PCDHGA2: variants seen among roughly 807,000 people sequenced by gnomAD.
The protein encoded by PCDHGA2 is protocadherin gamma subfamily A, 2, also known as protocadherin gamma-A2.
In PCDHGA2, 40 loss-of-function variants were observed where a neutral mutation model predicts 59.2. The ratio of observed to expected loss-of-function variants is 0.68; its 90% CI spans 0.52 to 0.88. The LOEUF (loss-of-function observed/expected upper bound fraction) is 0.88, where lower values mean the gene tolerates loss of function less well. PCDHGA2 is among the 40% of genes least tolerant of loss of function. PCDHGA2 has a pLI of 0.00. For synonymous variants in PCDHGA2, 560 were observed against 526.0 expected, an observed-to-expected ratio of 1.06 and a Z score of -0.89; for missense variants, 1,226 against 1,204.0, an observed-to-expected ratio of 1.02 and a Z score of -0.27.
At chr5:141,344,777 T>C in intron 1 of PCDHGA2, 1 of 1,613,952 alleles carries the variant, frequency 6.2e-7, no homozygotes. Flanking sequence ...CTGAGTACCG[T>C]GTGAGTGTTT....
intron 1 of PCDHGA2, chr5:141,410,046 G>T: frequency 6.2e-7 from 1 of 1,613,174 alleles, no homozygotes; most frequent in Non-Finnish European, 8.5e-7. Context: ...AGTGAGCCCG[G>T]ACTCTTCAGC....
chr5:141,388,032 C>T (rs747852798), intron 1 of PCDHGA2: 3 of 1,431,396 alleles, frequency 2.1e-6, no homozygotes, highest in Non-Finnish European at 1.9e-6. Flanking sequence ...AGTGGGGAAC[C>T]TCGCCACGGA....
intron 2 of PCDHGA2, among the ~76,000 whole-genome samples, chr5:141,498,971 G>GGAA (rs2099787559): frequency 9.0e-6 from 1 of 110,972 alleles, no homozygotes; most frequent in African/African-American, 3.6e-5. Flanking sequence ...GAGGGAGGGA[G>GGAA]GGAAGGAAGG....
Position 141,511,165 on chromosome 5 carries a change from A to G in PCDHGA2, c.2791A>G (p.Lys931Glu). 1 of 1,614,096 alleles carries G rather than the reference A, an allele frequency of 6.2e-7. No homozygotes were observed. Among genetic ancestry groups the G allele is most frequent in the East Asian group, 2.2e-5 (1 of 44,870 alleles). ...CAAGAAGAAGTCGGGCAAGAAGGAGAAGAAGTAACATGGAGGCCAGGCCAA... is the reference window on the plus strand; with the variant it reads ...CAAGAAGAAGTCGGGCAAGAAGGAGGAGAAGTAACATGGAGGCCAGGCCAA... ...GNKKKSGKKE[K>E]K Residue 931 changes from lysine (K) to glutamate (E), a missense_variant, in exon 4 of 4, where the codon AAG (lysine) becomes GAG (glutamate). Physicochemically the swap from Lys to Glu is moderately conservative, Grantham distance 56. Transcript: ENST00000394576.
intron 1 of PCDHGA2, chr5:141,344,790 GA>G (rs1757472418): frequency 6.2e-7 from 1 of 1,613,854 alleles, no homozygotes; most frequent in African/African-American, 1.3e-5. Flanking sequence ...GAGTGTTTGG[GA>G]GAACGTGCCT....
At chr5:141,446,102 A>C (rs751362645) in intron 1 of PCDHGA2, among the ~76,000 whole-genome samples, 1 of 152,214 alleles carries the variant, frequency 6.6e-6, no homozygotes, top group Non-Finnish European at 1.5e-5. Context: ...TGAATTATAG[A>C]TATATTTAGG....
intron 1 of PCDHGA2, chr5:141,384,433 G>A (rs1351940709): frequency 6.2e-7 from 1 of 1,613,998 alleles, no homozygotes. Flanking sequence ...CTCTGACACT[G>A]GAGTCCTGTA....
chr5:141,415,766 TTTTTTTACTTTC>T, intron 1 of PCDHGA2: 1 of 1,295,032 alleles, frequency 7.7e-7, no homozygotes, highest in Admixed American at 3.5e-5. Flanking sequence ...TTTTTTTTTT[TTTTTTTACTTTC>T]TGGTAAAATT....
At chr5:141,383,577 C>T in intron 1 of PCDHGA2, 1 of 1,613,420 alleles carries the variant, frequency 6.2e-7, no homozygotes, top group Non-Finnish European at 8.5e-7. Context: ...CCAGCACCGC[C>T]CACATCCAGG....
intron 1 of PCDHGA2, among the ~76,000 whole-genome samples, chr5:141,349,365 A>T (rs1438185685): frequency 6.6e-6 from 1 of 152,128 alleles, no homozygotes; most frequent in South Asian, 2.1e-4. Flanking sequence ...CACCCAGCCT[A>T]GAGTATTTAA....
rs1296142784 is a variant in PCDHGA2 at position 141,431,302 on chromosome 5, C to T, written c.2425-63505C>T. ...GCCCGAACACTCACTTCTCCCTCAT[C>T]GTGCAAAATGGAGCCGACGGTAGTA... is the stretch of plus-strand genomic sequence containing the variant. On this transcript the variant is annotated intron_variant, in intron 1 of 3. Coordinates refer to ENST00000394576, the MANE Select transcript of PCDHGA2 (RefSeq NM_018915.4). This position sits in a 1 kb window ranked among gnomAD's most constrained non-coding sequence, Gnocchi z 4.8. 2 of 1,614,028 alleles carry T rather than the reference C, an allele frequency of 1.2e-6. No individual in the cohort carries two copies. Among genetic ancestry groups the T allele is most frequent in the African/African-American group, 1.3e-5 (1 of 74,946 alleles).
chr5:141,474,403 C>G (rs553745731), intron 1 of PCDHGA2, among the ~76,000 whole-genome samples: 6 of 152,166 alleles, frequency 3.9e-5, no homozygotes, highest in Non-Finnish European at 5.9e-5. Context: ...ACAAGCTCCC[C>G]GGTGATGCCT....
At chr5:141,352,305 C>T in intron 1 of PCDHGA2, 8 of 1,614,070 alleles carry the variant, frequency 5.0e-6, no homozygotes, top group African/African-American at 1.3e-5. Context: ...GACCCCCAGA[C>T]GGAACTGCAG....
rs761098701 is a variant in PCDHGA2, at chr5:141,344,220, G to C, written c.2424+2825G>C. 21 of 1,614,036 alleles carry C rather than the reference G, an allele frequency of 1.3e-5. No homozygotes were observed. The highest frequency in any genetic ancestry group is 1.6e-5 in the Non-Finnish European group (19 of 1,179,914). On this transcript the variant is annotated intron_variant, in intron 1 of 3. Coordinates refer to ENST00000394576, the MANE Select transcript of PCDHGA2 (RefSeq NM_018915.4). The stretch of plus-strand genomic sequence containing the variant: ...AGAGCCCCGGGAGCTGGCGGAGCGC[G>C]GAGTCCGCATCGTCTCCAGAGGTAG...
intron 1 of PCDHGA2, chr5:141,394,742 G>T: frequency 1.2e-6 from 2 of 1,613,420 alleles, no homozygotes; most frequent in Non-Finnish European, 1.7e-6. Flanking sequence ...AGAGCCTCGT[G>T]GTGGCCGTCC....
intron 1 of PCDHGA2, chr5:141,423,723 T>C: frequency 8.5e-7 from 1 of 1,174,478 alleles, no homozygotes; most frequent in Non-Finnish European, 1.1e-6. Context: ...TAAGGAGATG[T>C]TTTTTGAGCC....
rs955615446 is a variant in PCDHGA2 at position 141,420,343 on chromosome 5, ATTATT to A, written c.2425-74460_2425-74456del. Reference sequence around the variant, plus strand: ...TGCCAATATATTCCAATATAGTGGTATTATTTTAAGATTCTAGATAACTTCTTCAT... The same window carrying A: ...TGCCAATATATTCCAATATAGTGGTATTAAGATTCTAGATAACTTCTTCAT... On this transcript the variant is annotated intron_variant, in intron 1 of 3. Transcript: ENST00000394576. 8 of 1,394,426 alleles carry A rather than the reference ATTATT, an allele frequency of 5.7e-6. No homozygotes were observed. In the African/African-American group the frequency reaches 1.2e-4, roughly 20 times the overall value. 86.4% of individuals were successfully genotyped at this position (1,394,426 alleles called of 1,614,324 possible).
chr5:141,399,491 T>A, intron 1 of PCDHGA2: 1 of 1,614,022 alleles, frequency 6.2e-7, no homozygotes, highest in African/African-American at 1.3e-5. Flanking sequence ...TCCTACTTAG[T>A]CAGTGTACCC....
chr5:141,460,097 G>A (rs2098982102), intron 1 of PCDHGA2, among the ~76,000 whole-genome samples: 2 of 151,812 alleles, frequency 1.3e-5, no homozygotes, highest in African/African-American at 2.4e-5. Context: ...AATTATACAT[G>A]TAATTATATA....
Sources: allele counts gnomAD v4.1 joint callset (sites outside exome capture counted in the v4.1 genomes callset), GRCh38; gene constraint gnomAD v4.1.1; non-coding constraint Gnocchi (gnomAD v3.1); transcripts MANE v1.5; gene names NCBI Gene and HGNC (gene_info 2026-07-23, HGNC 2026-07-21).